Variants in IQSEC1 observed in about 807,000 individuals in gnomAD.
IQSEC1 encodes IQ motif and SEC7 domain-containing protein 1.
Under a neutral mutation model 91.0 loss-of-function variants are expected in IQSEC1, and 31 were observed. The ratio of observed to expected loss-of-function variants is 0.34; its 90% CI spans 0.26 to 0.46. The LOEUF (loss-of-function observed/expected upper bound fraction) is 0.46. IQSEC1 is among the 20% of genes least tolerant of loss of function. IQSEC1 has a pLI of 1.00. For synonymous variants in IQSEC1, 699 were observed against 662.6 expected (o/e 1.05, Z -0.84); for missense variants, 1,388 against 1,575.6 (o/e 0.88, Z 2.02).
At chr3:13,013,204 G>A (rs1411245836) in intron 1 of IQSEC1, among the ~76,000 whole-genome samples, 3 of 152,032 alleles carry the variant, frequency 2.0e-5, no homozygotes, top group Non-Finnish European at 2.9e-5. Context: ...CAAGTGATCC[G>A]CCCGCCTTGG....
intron 1 of IQSEC1, among the ~76,000 whole-genome samples, chr3:12,945,730 A>G (rs973325676): frequency 6.6e-6 from 1 of 152,216 alleles, no homozygotes. Context: ...CCAATCAGCA[A>G]CTACGCAGTG....
At chr3:12,928,527 C>A (rs1697365804) in intron 3 of IQSEC1, among the ~76,000 whole-genome samples, 1 of 152,156 alleles carries the variant, frequency 6.6e-6, no homozygotes, top group South Asian at 2.1e-4. Flanking sequence ...CCCTCAACAG[C>A]CTCCCTGACA....
At chr3:12,998,739 A>T (rs370588486) in intron 1 of IQSEC1, among the ~76,000 whole-genome samples, 7 of 152,336 alleles carry the variant, frequency 4.6e-5, no homozygotes, top group Admixed American at 3.9e-4. Context: ...AAACTGGTAC[A>T]TGGTTTTGCC....
chr3:13,161,008 C>T (rs1707163960), intron 2 of IQSEC1, among the ~76,000 whole-genome samples: 1 of 152,178 alleles, frequency 6.6e-6, no homozygotes, highest in Non-Finnish European at 1.5e-5. Flanking sequence ...GCCCCAGCTC[C>T]CCTGAAAGCT....
intron 1 of IQSEC1, among the ~76,000 whole-genome samples, chr3:13,232,428 G>A (rs766898182): frequency 6.6e-6 from 1 of 152,192 alleles, no homozygotes; most frequent in African/African-American, 2.4e-5. Context: ...GGAGGCTGTC[G>A]CAGGAAACGC....
At chr3:13,035,936 G>T (rs889513685) in intron 1 of IQSEC1, among the ~76,000 whole-genome samples, 2 of 152,224 alleles carry the variant, frequency 1.3e-5, no homozygotes, top group Non-Finnish European at 2.9e-5. Context: ...TCCCGTGCAG[G>T]TGTTTTGGCT....
chr3:13,125,435 A>C (rs1706497405), intron 2 of IQSEC1, among the ~76,000 whole-genome samples: 1 of 152,196 alleles, frequency 6.6e-6, no homozygotes, highest in Non-Finnish European at 1.5e-5. Flanking sequence ...ATGAGTAGGC[A>C]TTCCCTCCTT....
intron 1 of IQSEC1, among the ~76,000 whole-genome samples, chr3:12,963,813 G>A (rs1183031391): frequency 6.6e-6 from 1 of 152,224 alleles, no homozygotes; most frequent in Non-Finnish European, 1.5e-5. Flanking sequence ...CTCAGTAAAT[G>A]TTTGTTGTGT....
At chr3:13,087,546 T>C (rs1705757332) in intron 2 of IQSEC1, among the ~76,000 whole-genome samples, 1 of 152,214 alleles carries the variant, frequency 6.6e-6, no homozygotes, top group African/African-American at 2.4e-5. Context: ...GACTTTGCAA[T>C]TTGCTAAGAG....
At chr3:13,250,595 C>A (rs1401642725) in intron 1 of IQSEC1, among the ~76,000 whole-genome samples, 1 of 147,094 alleles carries the variant, frequency 6.8e-6, no homozygotes, top group Non-Finnish European at 1.5e-5. Context: ...CTCCACCTCA[C>A]CCAGATAATT....
intron 1 of IQSEC1, among the ~76,000 whole-genome samples, chr3:13,171,590 A>G (rs1356252840): frequency 6.6e-6 from 1 of 152,166 alleles, no homozygotes; most frequent in African/African-American, 2.4e-5. Context: ...CAAAATAGGT[A>G]CCCGAAGACC....
At chr3:12,985,250 G>A (rs1701671247) in intron 1 of IQSEC1, among the ~76,000 whole-genome samples, 1 of 152,200 alleles carries the variant, frequency 6.6e-6, no homozygotes, top group Admixed American at 6.5e-5. Flanking sequence ...CACACCCTCA[G>A]CCCTCTCACT....
At chr3:12,923,319 TG>T (rs1380366985) in intron 4 of IQSEC1, among the ~76,000 whole-genome samples, 2 of 151,686 alleles carry the variant, frequency 1.3e-5, no homozygotes, top group South Asian at 2.1e-4. Flanking sequence ...CTGCAGGGGA[TG>T]GGGGTGGGAG....
At chr3:13,156,586 G>GC (rs1406011726) in intron 2 of IQSEC1, among the ~76,000 whole-genome samples, 5 of 152,256 alleles carry the variant, frequency 3.3e-5, no homozygotes, top group Non-Finnish European at 5.9e-5. Flanking sequence ...GTGGGAAGTG[G>GC]CAAGTACAGA....
At chr3:13,019,406 A>G (rs1401263828) in intron 1 of IQSEC1, among the ~76,000 whole-genome samples, 3 of 152,204 alleles carry the variant, frequency 2.0e-5, no homozygotes, top group Non-Finnish European at 4.4e-5. Context: ...TCGGAGGGGA[A>G]TCTGAAGACG....
At chr3:13,210,428 C>T (rs1694423089) in intron 1 of IQSEC1, among the ~76,000 whole-genome samples, 2 of 152,224 alleles carry the variant, frequency 1.3e-5, no homozygotes, top group African/African-American at 2.4e-5. Flanking sequence ...GGAAGGGAAC[C>T]GCAATCTCCA....
intron 13 of IQSEC1, 35 bp downstream of exon 13, chr3:12,902,738 G>C: frequency 6.8e-7 from 1 of 1,476,742 alleles, no homozygotes; most frequent in Non-Finnish European, 9.4e-7. Flanking sequence ...AGGCGACACA[G>C]GACAGCCAGC....
chr3:13,209,930 T>C (rs1045689330), intron 1 of IQSEC1, among the ~76,000 whole-genome samples: 30 of 151,672 alleles, frequency 2.0e-4, no homozygotes, highest in Admixed American at 5.2e-4. Flanking sequence ...CCTTTCCCAT[T>C]GCTATGCAGT....
chr3:12,944,508 G>C (rs772235038), intron 1 of IQSEC1, among the ~76,000 whole-genome samples: 84 of 152,218 alleles, frequency 5.5e-4, no homozygotes, highest in Middle Eastern at 6.8e-3. Flanking sequence ...CCTCCCTCCT[G>C]TCTGACCCCA....
Sources: gnomAD v4.1 joint callset for allele counts (sites outside exome capture counted in the v4.1 genomes callset) on GRCh38, gnomAD v4.1.1 for gene constraint, MANE v1.5 for transcripts, NCBI Gene and HGNC (gene_info 2026-07-23, HGNC 2026-07-21) for gene names.